Variants in MGAT4D observed in about 807,000 individuals in gnomAD.
MGAT4D encodes the protein MGAT4 family member D.
In MGAT4D, 34 loss-of-function variants were observed where a neutral mutation model predicts 15.9. That is an observed-to-expected ratio of 2.14 (90% confidence interval 1.62 to 2.84). The LOEUF is 2.84. Among genes scored for constraint, MGAT4D ranks in the 30% most tolerant of loss-of-function variants. The pLI, the probability that MGAT4D is intolerant of heterozygous loss-of-function variation, is 0.00. For synonymous variants in MGAT4D, 112 were observed against 48.2 expected (o/e 2.33, Z -5.49); for missense variants, 327 against 140.2 (o/e 2.33, Z -6.73).
intron 1 of MGAT4D, among the ~76,000 whole-genome samples, chr4:140,489,259 T>G (rs1733352041): frequency 6.6e-6 from 1 of 152,090 alleles, no homozygotes; most frequent in African/African-American, 2.4e-5. Flanking sequence ...TAAAGTACAT[T>G]TCAGATTACT....
intron 1 of MGAT4D, among the ~76,000 whole-genome samples, 167 bp from the exon 2 acceptor site, chr4:140,482,652 A>G (rs895509019): frequency 1.3e-5 from 2 of 151,984 alleles, no homozygotes; most frequent in African/African-American, 4.8e-5. Context: ...TATATACCAC[A>G]TGTGTAAATA....
At chr4:140,445,108 C>T (rs952085337) in intron 10 of MGAT4D, among the ~76,000 whole-genome samples, 5 of 152,084 alleles carry the variant, frequency 3.3e-5, no homozygotes, top group Non-Finnish European at 7.4e-5. Context: ...TGGTCTCGAA[C>T]TCCTGACCTC....
At chr4:140,451,780 C>G (rs949184265) in intron 9 of MGAT4D, among the ~76,000 whole-genome samples, 3 of 152,004 alleles carry the variant, frequency 2.0e-5, no homozygotes, top group African/African-American at 7.2e-5. Context: ...AATTATATTT[C>G]CTCTCTTTCT....
chr4:140,481,656 T>C (rs895833489), intron 2 of MGAT4D, among the ~76,000 whole-genome samples: 2 of 152,142 alleles, frequency 1.3e-5, no homozygotes, highest in Non-Finnish European at 2.9e-5. Context: ...ATTGGTGACA[T>C]GACAATTTGG....
chr4:140,443,496 A>G, intron 10 of MGAT4D, 52 bp from the exon 11 acceptor site: 1 of 496,276 alleles, frequency 2.0e-6, no homozygotes, highest in Non-Finnish European at 3.6e-6. Context: ...TTAATTCATA[A>G]AGATGAAATT....
chr4:140,466,260 A>G (rs1254582799), intron 5 of MGAT4D, among the ~76,000 whole-genome samples: 1 of 152,228 alleles, frequency 6.6e-6, no homozygotes, highest in Non-Finnish European at 1.5e-5. Context: ...GAGATGCAAC[A>G]AAGGGAACTT....
intron 1 of MGAT4D, among the ~76,000 whole-genome samples, chr4:140,488,709 T>C (rs1196084088): frequency 1.3e-5 from 2 of 152,184 alleles, no homozygotes; most frequent in Non-Finnish European, 2.9e-5. Context: ...AGTTTGAATA[T>C]CTATCCCCAC....
At chr4:140,454,267 T>C (rs892569803) in intron 9 of MGAT4D, among the ~76,000 whole-genome samples, 1 of 152,166 alleles carries the variant, frequency 6.6e-6, no homozygotes, top group Non-Finnish European at 1.5e-5. Context: ...CTTTAACATG[T>C]CAGAGACATT....
At chr4:140,491,430 G>C (rs2126871920) in intron 1 of MGAT4D, among the ~76,000 whole-genome samples, 1 of 152,192 alleles carries the variant, frequency 6.6e-6, no homozygotes, top group African/African-American at 2.4e-5. Flanking sequence ...CCTGAAAATT[G>C]TGGAACTGCT....
chr4:140,490,499 A>G (rs1733431499), intron 1 of MGAT4D, among the ~76,000 whole-genome samples: 1 of 152,158 alleles, frequency 6.6e-6, no homozygotes, highest in Non-Finnish European at 1.5e-5. Context: ...AACATACCTT[A>G]CCATCAATGG....
chr4:140,491,726 A>G (rs1045942098), intron 1 of MGAT4D, among the ~76,000 whole-genome samples: 1 of 151,916 alleles, frequency 6.6e-6, no homozygotes, highest in Non-Finnish European at 1.5e-5. Flanking sequence ...GAGAGCGGAG[A>G]CACCACAGCA....
At chr4:140,464,722 C>T (rs183643673) in intron 6 of MGAT4D, among the ~76,000 whole-genome samples, 174 bp downstream of exon 6, 4 of 152,246 alleles carry the variant, frequency 2.6e-5, no homozygotes, top group African/African-American at 7.2e-5. Flanking sequence ...GCTATCAACT[C>T]GATGTTATTG....
At chr4:140,491,432 G>A (rs1733496137) in intron 1 of MGAT4D, among the ~76,000 whole-genome samples, 2 of 152,144 alleles carry the variant, frequency 1.3e-5, no homozygotes, top group African/African-American at 2.4e-5. Flanking sequence ...TGAAAATTGT[G>A]GAACTGCTAG....
At chr4:140,462,412 T>G in intron 6 of MGAT4D, 1 of 156,370 alleles carries the variant, frequency 6.4e-6, no homozygotes, top group Admixed American at 6.4e-5. Flanking sequence ...TTCTCCCCAA[T>G]TCTTAGGGTT....
chr4:140,453,794 T>C (rs1730622018), intron 9 of MGAT4D, among the ~76,000 whole-genome samples: 1 of 152,166 alleles, frequency 6.6e-6, no homozygotes, highest in Non-Finnish European at 1.5e-5. Context: ...GTAAGTTTTC[T>C]GAGGCCTCCC....
intron 1 of MGAT4D, among the ~76,000 whole-genome samples, 174 bp downstream of exon 1, chr4:140,497,955 G>A (rs1247781313): frequency 1.3e-5 from 2 of 152,130 alleles, no homozygotes; most frequent in Admixed American, 6.5e-5. Context: ...GCCGCTGACC[G>A]GGGTAGGCGC....
rs1729857803 is a variant in MGAT4D at position 140,442,833 on chromosome 4, A to G, written c.*603T>C. 1.1e-5 allele frequency: 1 copy of G among 93,638 alleles called. No homozygotes were observed. Among genetic ancestry groups the G allele is most frequent in the Admixed American group, 1.0e-4 (1 of 9,826 alleles). The allele number at this position is 93,638 out of a possible 1,614,324, so 5.8% of individuals were successfully genotyped here. A position where few individuals can be genotyped will look rare whatever the true frequency, so the allele number is the denominator to read the frequency against. On this transcript the variant is annotated 3_prime_UTR_variant, in exon 11 of 11. Transcript: ENST00000511113. ...ATATATTTGGGAAAAAAACTCCCAA[A>G]TAATCTGTGTGTTAAGAAGGCAATG... is the stretch of plus-strand genomic sequence containing the variant.
In MGAT4D at chr4:140,442,467, T is replaced by G. The variant is rs1182992513; in HGVS notation, c.*969A>C. On this transcript the variant is annotated 3_prime_UTR_variant, in exon 11 of 11. Coordinates refer to ENST00000511113, the MANE Select transcript of MGAT4D (RefSeq NM_001277353.2). ...GAATAACATCAAGAAGAAAAATAGA[T>G]TTTAATGGGCCCCTGTAGAAACTGA... is the stretch of plus-strand genomic sequence containing the variant. The G allele has an allele frequency of 2.6e-5, 4 of 152,082 alleles. No individual in the cohort carries two copies. Among genetic ancestry groups the G allele is most frequent in the Admixed American group, 2.6e-4 (4 of 15,264 alleles). 9.4% of individuals were successfully genotyped at this position (152,082 alleles called of 1,614,324 possible). A position where few individuals can be genotyped will look rare whatever the true frequency, so the allele number is the denominator to read the frequency against.
chr4:140,459,726 G>C, intron 7 of MGAT4D, 100 bp from the exon 8 acceptor site: 5 of 276,638 alleles, frequency 1.8e-5, no homozygotes, highest in South Asian at 1.7e-4. Context: ...ATATACTGAA[G>C]AAAATGGTTT....
Sources: gnomAD v4.1 joint callset for allele counts (sites outside exome capture counted in the v4.1 genomes callset) on GRCh38, gnomAD v4.1.1 for gene constraint, MANE v1.5 for transcripts, NCBI Gene and HGNC (gene_info 2026-07-23, HGNC 2026-07-21) for gene names.